Variants in SEM1 observed in about 807,000 individuals in gnomAD.
SEM1 encodes 26S proteasome complex subunit SEM1.
In SEM1, 3 loss-of-function variants were observed where a neutral mutation model predicts 12.7. That is an observed-to-expected ratio of 0.24 (90% CI 0.11 to 0.61). The LOEUF is 0.61. Ranked by LOEUF, SEM1 falls within the 20% of genes least tolerant of loss-of-function variation. The pLI, the probability that SEM1 is intolerant of heterozygous loss-of-function variation, is 0.88. For missense variants in SEM1, 59 were observed against 81.3 expected, an observed-to-expected ratio of 0.73 and a Z score of 1.06; for synonymous variants, 30 against 27.8, an observed-to-expected ratio of 1.08 and a Z score of -0.25.
At chr7:96,549,991 G>A (rs758350237) in intron 2 of SEM1, among the ~76,000 whole-genome samples, 2 of 151,584 alleles carry the variant, frequency 1.3e-5, no homozygotes, top group African/African-American at 4.9e-5. Flanking sequence ...GGTGGTCAGT[G>A]GTCACTATTT....
At chr7:96,558,999 A>G (rs996128943) in intron 2 of SEM1, among the ~76,000 whole-genome samples, 5 of 152,202 alleles carry the variant, frequency 3.3e-5, no homozygotes, top group South Asian at 2.1e-4. Flanking sequence ...AAGAGGATTA[A>G]ATGAGCCAGA....
chr7:96,659,388 A>G (rs1788909202), intron 2 of SEM1, among the ~76,000 whole-genome samples: 1 of 152,214 alleles, frequency 6.6e-6, no homozygotes, highest in Non-Finnish European at 1.5e-5. Context: ...TCTCAGCATA[A>G]CTGTATTTCA....
intron 2 of SEM1, among the ~76,000 whole-genome samples, chr7:96,557,044 G>T (rs867331894): frequency 0.042 from 6,122 of 146,362 alleles, 457 homozygotes; most frequent in African/African-American, 0.15. Context: ...AGCTCCATCA[G>T]CTCCTTTAAG....
At chr7:96,550,899 T>G (rs1242837062) in intron 2 of SEM1, among the ~76,000 whole-genome samples, 1 of 152,156 alleles carries the variant, frequency 6.6e-6, no homozygotes, top group African/African-American at 2.4e-5. Flanking sequence ...CAAAATTCAG[T>G]TCATTCCTGT....
intron 3 of SEM1, chr7:96,503,443 C>T (rs150535564): frequency 2.9e-4 from 44 of 152,202 alleles, no homozygotes; most frequent in Non-Finnish European, 4.4e-4. Context: ...GCCCTGATTA[C>T]CTTTTGTAGG....
chr7:96,496,377 A>G (rs1803261752), upstream of SEM1: 4 of 1,075,334 alleles, frequency 3.7e-6, no homozygotes, highest in South Asian at 5.9e-5. Flanking sequence ...AATGTAATAT[A>G]AAAGAGTGTA....
Position 96,666,992 on chromosome 7 carries a change from T to C in SEM1, c.170+27806A>G, listed in dbSNP as rs529552825. ...TTACTTCTGCCAAGTAAAAGCATGA[T>C]GTTAATGCATTGATTTGTGTATCAA... is the stretch of plus-strand genomic sequence containing the variant. On this transcript the variant is annotated intron_variant, in intron 2 of 2. Transcript: ENST00000417009. Among the ~76,000 whole-genome samples, 4 of 152,212 alleles carry C rather than the reference T, an allele frequency of 2.6e-5. No individual in the cohort carries two copies. The South Asian group carries it at 8.3e-4, about 32-fold the overall frequency.
intron 2 of SEM1, among the ~76,000 whole-genome samples, chr7:96,519,788 AC>A (rs1804213114): frequency 6.6e-6 from 1 of 152,136 alleles, no homozygotes; most frequent in Non-Finnish European, 1.5e-5. Flanking sequence ...GTATAGGTAC[AC>A]ACTTATCCAT....
intron 2 of SEM1, among the ~76,000 whole-genome samples, chr7:96,683,650 G>A (rs1374261157): frequency 6.6e-6 from 1 of 152,130 alleles, no homozygotes; most frequent in African/African-American, 2.4e-5. Context: ...ATCAATGATA[G>A]ACTGGATAAA....
intron 2 of SEM1, among the ~76,000 whole-genome samples, chr7:96,639,429 C>T (rs1584825274): frequency 6.6e-6 from 1 of 151,932 alleles, no homozygotes; most frequent in African/African-American, 2.4e-5. Context: ...AATAGACCCA[C>T]AAAAATATAT....
At chr7:96,650,656 A>T in intron 2 of SEM1, 4 of 625,046 alleles carry the variant, frequency 6.4e-6, no homozygotes, top group Non-Finnish European at 1.1e-5. Flanking sequence ...ATTTAAACAC[A>T]AACACACAGA....
chr7:96,686,104 A>G (rs1256414494), downstream of SEM1, among the ~76,000 whole-genome samples: 1 of 152,108 alleles, frequency 6.6e-6, no homozygotes, highest in Non-Finnish European at 1.5e-5. Context: ...ACTGTTTTCT[A>G]TTTGACAAAA....
chr7:96,687,705 G>A (rs1789803615), downstream of SEM1, among the ~76,000 whole-genome samples: 1 of 151,912 alleles, frequency 6.6e-6, no homozygotes, highest in African/African-American at 2.4e-5. Context: ...AATGGGTGCA[G>A]CACACCAGCA....
At chr7:96,523,914 G>C (rs776701055) in intron 2 of SEM1, among the ~76,000 whole-genome samples, 1 of 151,844 alleles carries the variant, frequency 6.6e-6, no homozygotes, top group Non-Finnish European at 1.5e-5. Context: ...TCTCACTTAC[G>C]TTTAACAAAC....
chr7:96,520,253 C>T (rs552431991), intron 2 of SEM1, among the ~76,000 whole-genome samples: 118 of 152,222 alleles, frequency 7.8e-4, no homozygotes, highest in African/African-American at 2.8e-3. Context: ...GACAAAATTC[C>T]TAGACCACGC....
intron 2 of SEM1, among the ~76,000 whole-genome samples, chr7:96,511,973 A>C (rs1803947386): frequency 6.6e-6 from 1 of 152,116 alleles, no homozygotes; most frequent in Non-Finnish European, 1.5e-5. Flanking sequence ...GGAGCCATAG[A>C]TTCTGGATTT....
In SEM1 at chr7:96,600,129, CTTTAT is replaced by C. The variant is rs529896512; in HGVS notation, c.171-93436_171-93432del. Among the ~76,000 whole-genome samples the C allele has an allele frequency of 2.6e-3, 389 of 152,222 alleles. 4 individuals carry two copies. The highest frequency in any genetic ancestry group is 5.2e-3 in the South Asian group (25 of 4,820). ...CTTTTAAATGCCATTTCTGATTTGC[CTTTAT>C]TTTAATCAGTCTATATATTTGGTCT... On this transcript the variant is annotated intron_variant and NMD_transcript_variant, in intron 2 of 3. Coordinates refer to the SEM1 transcript ENST00000466986.
chr7:96,493,228 A>G (rs938199357), intron 1 of SEM1, among the ~76,000 whole-genome samples: 1 of 152,214 alleles, frequency 6.6e-6, no homozygotes. Flanking sequence ...GCCTGGGATT[A>G]TAGGCGTGAG....
At chr7:96,556,990 C>T (rs1487520374) in intron 2 of SEM1, among the ~76,000 whole-genome samples, 12 of 150,132 alleles carry the variant, frequency 8.0e-5, no homozygotes, top group South Asian at 2.2e-4. Context: ...CATCGGCTCC[C>T]GAGGCTTCTG....
Sources: allele counts gnomAD v4.1 joint callset (sites outside exome capture counted in the v4.1 genomes callset), GRCh38; gene constraint gnomAD v4.1.1; transcripts MANE v1.5; gene names NCBI Gene and HGNC (gene_info 2026-07-23, HGNC 2026-07-21).